ST3GAL1: variants seen among roughly 807,000 people sequenced by gnomAD.
ST3GAL1 encodes ST3 beta-galactoside alpha-2,3-sialyltransferase 1.
A neutral mutation model predicts 34.1 loss-of-function variants in ST3GAL1; 16 were observed. That is an observed-to-expected ratio of 0.47 (90% CI 0.32 to 0.71). The LOEUF (loss-of-function observed/expected upper bound fraction) is 0.71. ST3GAL1 is among the 30% of genes least tolerant of loss of function. ST3GAL1 has a pLI of 0.04. For synonymous variants in ST3GAL1, 191 were observed against 184.7 expected, an observed-to-expected ratio of 1.03 and a Z score of -0.28; for missense variants, 353 against 447.4, an observed-to-expected ratio of 0.79 and a Z score of 1.90.
intron 3 of ST3GAL1, among the ~76,000 whole-genome samples, chr8:133,490,664 T>C (rs1422601800): frequency 5.3e-5 from 8 of 152,200 alleles, no homozygotes; most frequent in Non-Finnish European, 1.2e-4. Flanking sequence ...ATGGAGACGC[T>C]GGTATGTTAC....
intron 7 of ST3GAL1, among the ~76,000 whole-genome samples, chr8:133,464,168 C>A (rs1225652707): frequency 6.6e-6 from 1 of 152,196 alleles, no homozygotes; most frequent in Admixed American, 6.5e-5. Flanking sequence ...CAACCCTAGG[C>A]AAGGTGCTTG....
At position 133,466,914 on chromosome 8, in the gene ST3GAL1, T is replaced by C. The variant is rs1472588309; in HGVS notation, c.307-824A>G. Among the ~76,000 whole-genome samples the C allele has an allele frequency of 6.6e-6, 1 of 152,102 alleles. No individual in the cohort carries two copies. Among genetic ancestry groups the C allele is most frequent in the Non-Finnish European group, 1.5e-5 (1 of 68,028 alleles). The stretch of plus-strand genomic sequence containing the variant: ...GAGTTTGAGACCAGCCTGGCCAATA[T>C]GGTGAAACCCCATCTCTATTAAAAA... On this transcript the variant is annotated intron_variant, in intron 5 of 9. Transcript: ENST00000522652. This position sits in a 1 kb window ranked among gnomAD's most constrained non-coding sequence, Gnocchi z 4.4.
chr8:133,517,987 G>A (rs1817694331), intron 2 of ST3GAL1, among the ~76,000 whole-genome samples: 1 of 152,336 alleles, frequency 6.6e-6, no homozygotes, highest in Non-Finnish European at 1.5e-5. Flanking sequence ...CACCTAGTCA[G>A]TTTTACAATT....
At chr8:133,540,760 TAGACATATATATATAG>T (rs1169665863) in intron 2 of ST3GAL1, among the ~76,000 whole-genome samples, 15 of 58,604 alleles carry the variant, frequency 2.6e-4, no homozygotes, top group African/African-American at 1.2e-3. Flanking sequence ...TATATATATA[TAGACATATATATATAG>T]AGACATATAT....
chr8:133,484,084 C>G (rs574746922), intron 3 of ST3GAL1, among the ~76,000 whole-genome samples: 1 of 152,246 alleles, frequency 6.6e-6, no homozygotes, highest in African/African-American at 2.4e-5. Context: ...TATAGTTTGC[C>G]AAAACAGTCA....
intron 3 of ST3GAL1, among the ~76,000 whole-genome samples, chr8:133,481,738 C>T (rs1037570046): frequency 6.6e-5 from 10 of 151,846 alleles, no homozygotes; most frequent in Admixed American, 2.0e-4. Flanking sequence ...TCAGGCGATC[C>T]ACCCACCTCG....
At chr8:133,522,120 C>T (rs1817829285) in intron 2 of ST3GAL1, among the ~76,000 whole-genome samples, 1 of 152,120 alleles carries the variant, frequency 6.6e-6, no homozygotes, top group African/African-American at 2.4e-5. Flanking sequence ...GACGTGAGCA[C>T]TCCCAAGAGC....
chr8:133,547,280 T>C (rs928018590), intron 1 of ST3GAL1, among the ~76,000 whole-genome samples: 1 of 152,042 alleles, frequency 6.6e-6, no homozygotes, highest in African/African-American at 2.4e-5. Flanking sequence ...AATCATTCTT[T>C]TTTTTTTTGA....
At chr8:133,513,506 G>A (rs906299291) in intron 2 of ST3GAL1, among the ~76,000 whole-genome samples, 15 of 152,224 alleles carry the variant, frequency 9.9e-5, no homozygotes, top group African/African-American at 3.4e-4. Flanking sequence ...TGTACACAGT[G>A]TCCACGGCTA....
chr8:133,472,334 C>G (rs1422624870), intron 5 of ST3GAL1, among the ~76,000 whole-genome samples: 2 of 152,182 alleles, frequency 1.3e-5, no homozygotes, highest in Non-Finnish European at 2.9e-5. Context: ...ACCTCACATT[C>G]TCACCTAAGA....
At chr8:133,463,226 G>A (rs893892749) in intron 8 of ST3GAL1, among the ~76,000 whole-genome samples, 188 bp downstream of exon 8, 2 of 152,216 alleles carry the variant, frequency 1.3e-5, no homozygotes, top group Non-Finnish European at 1.5e-5. Flanking sequence ...GCTGGCCCGG[G>A]GGACCCCACT....
intron 2 of ST3GAL1, among the ~76,000 whole-genome samples, chr8:133,509,341 G>A (rs1424046879): frequency 6.6e-6 from 1 of 152,254 alleles, no homozygotes; most frequent in African/African-American, 2.4e-5. Context: ...CACTGGTTGT[G>A]CAGTTGAGGC....
intron 2 of ST3GAL1, among the ~76,000 whole-genome samples, chr8:133,527,989 G>C (rs1350623845): frequency 6.6e-6 from 1 of 150,458 alleles, no homozygotes; most frequent in Non-Finnish European, 1.5e-5. Flanking sequence ...TGGCCAACAT[G>C]GTGAAACCTC....
rs1021291283 is a variant in ST3GAL1 at position 133,480,167 on chromosome 8, A to G, written c.-373-3567T>C. Among the ~76,000 whole-genome samples the G allele has an allele frequency of 2.6e-5, 4 of 152,362 alleles. No homozygotes were observed. In the East Asian group the frequency reaches 5.8e-4, roughly 22 times the overall value. On this transcript the variant is annotated intron_variant, in intron 3 of 9. Coordinates refer to ENST00000522652, the MANE Select transcript of ST3GAL1 (RefSeq NM_173344.3). The stretch of plus-strand genomic sequence containing the variant: ...CAAATGGCAGTCATTTCCCAGCCAC[A>G]TGCTCAATACGAGGAGGCATGAAGC...
chr8:133,513,759 C>A (rs111253707), intron 2 of ST3GAL1, among the ~76,000 whole-genome samples: 2 of 151,882 alleles, frequency 1.3e-5, no homozygotes, highest in Non-Finnish European at 1.5e-5. Context: ...AATAGCCAGG[C>A]GTGGTGACTT....
chr8:133,468,868 G>T (rs1007494906), intron 5 of ST3GAL1, among the ~76,000 whole-genome samples: 1 of 152,188 alleles, frequency 6.6e-6, no homozygotes, highest in Admixed American at 6.5e-5. Flanking sequence ...AGAGCCCCAG[G>T]GTAGAGGACC....
chr8:133,475,925 C>A lies in ST3GAL1; in HGVS notation c.100G>T (p.Ala34Ser), dbSNP rs150112189. The A allele has an allele frequency of 6.2e-7, 1 of 1,613,952 alleles. No homozygotes were observed. The highest frequency in any genetic ancestry group is 8.5e-7 in the Non-Finnish European group (1 of 1,180,026). Residue 34 changes from alanine to serine, a missense_variant, in exon 5 of 10, where the codon GCC becomes TCC. Ala to Ser is a moderately conservative substitution (Grantham distance 99). Coordinates refer to ENST00000522652, the MANE Select transcript of ST3GAL1 (RefSeq NM_173344.3). ...ATCTGCTTGGGGAACCAGGTGGTGG[C>A]CACCATGGTGTGGGAGTAGTTCAGG... ...FFLNYSHTMVATTWFPKQMVL... is the reference protein window; with the variant it reads ...FFLNYSHTMVSTTWFPKQMVL...
rs566068054 is a variant in ST3GAL1 at position 133,508,405 on chromosome 8, T to C, written c.-428-9216A>G. 6.6e-6 allele frequency among the ~76,000 whole-genome samples: 1 copy of C among 152,206 alleles called. No individual in the cohort carries two copies. The highest frequency in any genetic ancestry group is 1.5e-5 in the Non-Finnish European group (1 of 68,000). On this transcript the variant is annotated intron_variant, in intron 2 of 9. Coordinates refer to ENST00000522652, the MANE Select transcript of ST3GAL1 (RefSeq NM_173344.3). This position sits in a 1 kb window ranked among gnomAD's most constrained non-coding sequence, Gnocchi z 4.1. ...GTTGGCCGTGGGATCAGGCTGAAGG[T>C]TGACTCTAGCTGGGAGCACATCCCT...
intron 1 of ST3GAL1, among the ~76,000 whole-genome samples, chr8:133,567,697 G>A (rs902364641): frequency 6.6e-5 from 10 of 152,160 alleles, no homozygotes; most frequent in African/African-American, 2.4e-4. Flanking sequence ...TTTGCCAAGC[G>A]GGTGTGGGCT....
Sources: allele counts gnomAD v4.1 joint callset (sites outside exome capture counted in the v4.1 genomes callset), GRCh38; gene constraint gnomAD v4.1.1; non-coding constraint Gnocchi (gnomAD v3.1); transcripts MANE v1.5; gene names NCBI Gene and HGNC (gene_info 2026-07-23, HGNC 2026-07-21).